Variants in FAAH2 observed in about 807,000 individuals in gnomAD.
The protein encoded by FAAH2 is fatty-acid amide hydrolase 2.
Under a neutral mutation model 36.9 loss-of-function variants are expected in FAAH2, and 60 were observed. The ratio of observed to expected loss-of-function variants is 1.63; its 90% CI spans 1.32 to 2.02. The LOEUF is 2.02. Ranked by LOEUF, FAAH2 falls within the 30% of genes most tolerant of loss-of-function variation. The probability of loss-of-function intolerance (pLI) is 0.00; values close to 1 mark genes in which losing one functional copy is unlikely to be tolerated. For missense variants in FAAH2, 689 were observed against 397.5 expected, an observed-to-expected ratio of 1.73 and a Z score of -6.23; for synonymous variants, 214 against 143.8, an observed-to-expected ratio of 1.49 and a Z score of -3.49.
intron 10 of FAAH2, among the ~76,000 whole-genome samples, chrX:57,482,378 T>A (rs2057395712): frequency 9.0e-6 from 1 of 111,655 alleles, no homozygotes; most frequent in Non-Finnish European, 1.9e-5. Context: ...AGGGCCCCGG[T>A]GGTGTAGGTA....
At chrX:57,433,705 A>C (rs908803052) in intron 8 of FAAH2, among the ~76,000 whole-genome samples, 10 of 111,951 alleles carry the variant, frequency 8.9e-5, no homozygotes, top group Admixed American at 1.9e-4. Context: ...CAAACACTAG[A>C]CCTTATTTCT....
rs1346302535 is a variant in FAAH2 at position 57,466,148 on chromosome X, C to CTATATATATA, written c.1423+17431_1423+17432insATATATATAT. 5.1e-5 allele frequency among the ~76,000 whole-genome samples: 4 copies of CTATATATATA among 78,521 alleles called. No individual in the cohort carries two copies. In the East Asian group the frequency reaches 1.2e-3, roughly 24 times the overall value. 68.2% of individuals were successfully genotyped at this position (78,521 alleles called of 115,157 possible). A position where few individuals can be genotyped will look rare whatever the true frequency, so the allele number is the denominator to read the frequency against. On this transcript the variant is annotated intron_variant, in intron 10 of 10. Transcript: ENST00000374900. ...GGATTATCTCTCTCTCTCTCTCTCT[C>CTATATATATA]TCTCTCTCTATATATATATATATAT...
intron 10 of FAAH2, among the ~76,000 whole-genome samples, chrX:57,456,209 A>T (rs1392394213): frequency 8.9e-6 from 1 of 111,957 alleles, no homozygotes; most frequent in East Asian, 2.8e-4. Flanking sequence ...CTTGGGCAAA[A>T]AACAAAATTA....
chrX:57,200,011 G>C, the FAAH2 span, among the ~76,000 whole-genome samples: 2 of 111,637 alleles, frequency 1.8e-5, no homozygotes, highest in Non-Finnish European at 3.8e-5. Context: ...GTAGGCAACA[G>C]ATCATTAAGT....
chrX:57,166,319 C>T, the FAAH2 span, among the ~76,000 whole-genome samples: 1 of 111,864 alleles, frequency 8.9e-6, no homozygotes, highest in Non-Finnish European at 1.9e-5. Context: ...TACAGAAATC[C>T]TTCTGTCCTT....
At chrX:57,249,980 A>G in the FAAH2 span, among the ~76,000 whole-genome samples, 1 of 112,010 alleles carries the variant, frequency 8.9e-6, no homozygotes, top group Non-Finnish European at 1.9e-5. Flanking sequence ...TGAAATGGCT[A>G]GTTTAGTGTC....
intron 3 of FAAH2, among the ~76,000 whole-genome samples, chrX:57,317,951 T>G (rs2052894260): frequency 8.9e-6 from 1 of 111,764 alleles, no homozygotes; most frequent in Non-Finnish European, 1.9e-5. Flanking sequence ...ATAAACATGT[T>G]ATTTGAAACC....
the FAAH2 span, among the ~76,000 whole-genome samples, chrX:57,189,779 C>T: frequency 9.0e-6 from 1 of 111,668 alleles, no homozygotes; most frequent in Non-Finnish European, 1.9e-5. Flanking sequence ...CAGAGGGGCA[C>T]CAGCCCGATG....
intron 3 of FAAH2, among the ~76,000 whole-genome samples, chrX:57,325,134 A>T (rs1046999554): frequency 2.7e-5 from 3 of 111,926 alleles, no homozygotes. Flanking sequence ...TATATGCTGG[A>T]TTGCATTTAT....
intron 5 of FAAH2, among the ~76,000 whole-genome samples, chrX:57,366,652 G>T (rs766487975): frequency 8.9e-6 from 1 of 112,456 alleles, no homozygotes; most frequent in South Asian, 3.6e-4. Context: ...AAGGCTGTGG[G>T]TGGTCATGTG....
At chrX:57,181,665 A>G in the FAAH2 span, among the ~76,000 whole-genome samples, 1 of 111,854 alleles carries the variant, frequency 8.9e-6, no homozygotes, top group Non-Finnish European at 1.9e-5. Context: ...CAAATTCATT[A>G]AAGATTCAAT....
the FAAH2 span, among the ~76,000 whole-genome samples, chrX:57,208,995 G>T: frequency 9.0e-6 from 1 of 111,672 alleles, no homozygotes; most frequent in African/African-American, 3.3e-5. Flanking sequence ...CAGAGATTTT[G>T]TTTATGGCTA....
chrX:57,240,299 T>G, the FAAH2 span, among the ~76,000 whole-genome samples: 1 of 111,398 alleles, frequency 9.0e-6, no homozygotes, highest in Admixed American at 9.6e-5. Flanking sequence ...GGGCCAACAT[T>G]CAGCTCTGCA....
intron 8 of FAAH2, among the ~76,000 whole-genome samples, chrX:57,445,859 G>A (rs904139348): frequency 1.8e-5 from 2 of 112,071 alleles, no homozygotes; most frequent in South Asian, 7.3e-4. Flanking sequence ...AAAATCAATT[G>A]CCTCTGAGAG....
chrX:57,219,129 G>A, the FAAH2 span, among the ~76,000 whole-genome samples: 1 of 111,606 alleles, frequency 9.0e-6, no homozygotes, highest in Admixed American at 9.4e-5. Flanking sequence ...GTAAAACATA[G>A]CAGTTACGTC....
chrX:57,265,005 C>A, the FAAH2 span, among the ~76,000 whole-genome samples: 1 of 111,779 alleles, frequency 8.9e-6, no homozygotes, highest in Non-Finnish European at 1.9e-5. Flanking sequence ...ATGGCCCACT[C>A]GGGAGTGACA....
At chrX:57,139,486 G>A in the FAAH2 span, among the ~76,000 whole-genome samples, 3 of 111,156 alleles carry the variant, frequency 2.7e-5, no homozygotes, top group Non-Finnish European at 3.8e-5. Context: ...TTTTTGAGAC[G>A]GAGTCTTGCT....
intron 7 of FAAH2, among the ~76,000 whole-genome samples, chrX:57,429,443 A>G (rs184101163): frequency 1.3e-3 from 148 of 112,005 alleles, no homozygotes; most frequent in African/African-American, 4.5e-3. Flanking sequence ...AAAACTGCTT[A>G]ACATTATTAA....
At chrX:57,149,183 A>G in the FAAH2 span, among the ~76,000 whole-genome samples, 1 of 111,634 alleles carries the variant, frequency 9.0e-6, no homozygotes, top group African/African-American at 3.3e-5. Flanking sequence ...GGATTTTTGC[A>G]TCAGTGTTCA....
Sources: gnomAD v4.1 joint callset for allele counts (sites outside exome capture counted in the v4.1 genomes callset) on GRCh38, gnomAD v4.1.1 for gene constraint, MANE v1.5 for transcripts, NCBI Gene and HGNC (gene_info 2026-07-23, HGNC 2026-07-21) for gene names.